The following CCNH variants were observed in gnomAD, a reference collection of about 807,000 sequenced individuals.
CCNH encodes cyclin-H.
In CCNH, 31 loss-of-function variants were observed where a neutral mutation model predicts 41.9. The observed-to-expected ratio is 0.74, with a 90% CI of 0.56 to 1.00. The LOEUF is 1.00. Ranked by LOEUF, CCNH falls within the 50% of genes least tolerant of loss-of-function variation. CCNH has a pLI of 0.00. For synonymous variants in CCNH, 138 were observed against 136.1 expected (o/e 1.01, Z -0.10); for missense variants, 362 against 388.4 (o/e 0.93, Z 0.57).
chr5:87,320,710 G>T (rs1282632265), intron 9 of CCNH, among the ~76,000 whole-genome samples: 1 of 152,208 alleles, frequency 6.6e-6, no homozygotes, highest in Non-Finnish European at 1.5e-5. Context: ...TGAGATTTGG[G>T]TAGGGATACA....
chr5:87,351,621 A>G (rs755598564), intron 9 of CCNH, among the ~76,000 whole-genome samples: 16 of 151,796 alleles, frequency 1.1e-4, no homozygotes, highest in Admixed American at 2.0e-4. Context: ...CTGAGATGTA[A>G]ATCTGTCTGA....
chr5:87,393,640 A>G (rs1762685700), downstream of CCNH: 2 of 152,186 alleles, frequency 1.3e-5, no homozygotes, highest in South Asian at 2.1e-4. Flanking sequence ...GTTATAATCT[A>G]CTTACACGGA....
chr5:87,405,724 GCTCACTTATCC>G (rs2112571353), intron 4 of CCNH, among the ~76,000 whole-genome samples: 1 of 151,988 alleles, frequency 6.6e-6, no homozygotes, highest in East Asian at 1.9e-4. Context: ...CTGAACCTTT[GCTCACTTATCC>G]CTCTACTTGC....
At chr5:87,399,217 C>A (rs1235115685) in intron 7 of CCNH, among the ~76,000 whole-genome samples, 177 bp downstream of exon 7, 2 of 152,302 alleles carry the variant, frequency 1.3e-5, no homozygotes, top group Admixed American at 6.5e-5. Flanking sequence ...CAGAACTGCA[C>A]AGTGAATGCC....
chr5:87,377,485 C>T (rs969851567), upstream of CCNH, among the ~76,000 whole-genome samples: 1 of 152,128 alleles, frequency 6.6e-6, no homozygotes, highest in Non-Finnish European at 1.5e-5. Context: ...CATATGCCAC[C>T]ACACCCAGCT....
intron 9 of CCNH, among the ~76,000 whole-genome samples, chr5:87,339,098 T>C (rs7700766): frequency 0.012 from 1,816 of 152,304 alleles, 28 homozygotes; most frequent in African/African-American, 0.041. Context: ...CCTTCAAAGC[T>C]ACTGTTTTTA....
chr5:87,397,163 T>G (rs1763030925), intron 7 of CCNH, among the ~76,000 whole-genome samples: 1 of 151,918 alleles, frequency 6.6e-6, no homozygotes, highest in South Asian at 2.1e-4. Flanking sequence ...TCATAATTTT[T>G]TTTTTGTTTT....
At chr5:87,366,475 T>C (rs576379766) in intron 9 of CCNH, 20 of 294,912 alleles carry the variant, frequency 6.8e-5, no homozygotes, top group African/African-American at 3.7e-4. Context: ...AAGTTGAAGA[T>C]TGTGAATGAT....
upstream of CCNH, chr5:87,379,737 A>G (rs757664524): frequency 1.2e-6 from 2 of 1,611,870 alleles, no homozygotes; most frequent in South Asian, 1.1e-5. Flanking sequence ...TCTTTTAGTT[A>G]AGTCCATCAA....
At chr5:87,369,141 CA>C (rs1760742762) in intron 9 of CCNH, among the ~76,000 whole-genome samples, 1 of 152,002 alleles carries the variant, frequency 6.6e-6, no homozygotes, top group African/African-American at 2.4e-5. Context: ...TATTGAGTTC[CA>C]AAAACATGCA....
chr5:87,405,607 C>T (rs531764308), intron 4 of CCNH, among the ~76,000 whole-genome samples: 45 of 152,156 alleles, frequency 3.0e-4, no homozygotes, highest in African/African-American at 1.0e-3. Flanking sequence ...GTCAATTATG[C>T]AAAAATGCCT....
At chr5:87,364,196 T>A (rs1760331404) in intron 9 of CCNH, among the ~76,000 whole-genome samples, 1 of 152,164 alleles carries the variant, frequency 6.6e-6, no homozygotes, top group South Asian at 2.1e-4. Flanking sequence ...CAACAGCTTG[T>A]TTTTCTGCCG....
Position 87,408,070 on chromosome 5 carries a change from A to C in CCNH, c.431T>G (p.Leu144Arg). The C allele has an allele frequency of 1.2e-6, 2 of 1,613,306 alleles. No homozygotes were observed. Among genetic ancestry groups the C allele is most frequent in the Non-Finnish European group, 1.7e-6 (2 of 1,179,232 alleles). ...LGQEKALEQI[L>R]EYELLLIQQL... The stretch of plus-strand genomic sequence containing the variant: ...CTGTATAAGAAGTAGTTCATATTCC[A>C]GTATCTGTTCAAGTGCCTTCTCCTG... Residue 144 changes from leucine (L) to arginine (R), a missense_variant, in exon 4 of 9, where the codon CTG (leucine) becomes CGG (arginine). By Grantham distance (102) the Leu-to-Arg change is moderately radical. Transcript: ENST00000256897.
chr5:87,349,256 C>A (rs768653853), intron 9 of CCNH: 1 of 1,612,112 alleles, frequency 6.2e-7, no homozygotes, highest in Non-Finnish European at 8.5e-7. Context: ...TCAGATAATA[C>A]TCCTGGCGAT....
chr5:87,395,697 C>T (rs1762901971), intron 7 of CCNH, among the ~76,000 whole-genome samples: 1 of 152,106 alleles, frequency 6.6e-6, no homozygotes, highest in African/African-American at 2.4e-5. Flanking sequence ...TGTGGCGAAA[C>T]CTCGTCTCTA....
intron 9 of CCNH, chr5:87,332,519 G>A (rs1350188583): frequency 6.2e-7 from 1 of 1,606,606 alleles, no homozygotes; most frequent in East Asian, 2.2e-5. Context: ...TTATTGCTAT[G>A]TGTGGAGATT....
downstream of CCNH, among the ~76,000 whole-genome samples, chr5:87,389,053 ATAT>A (rs1561332996): frequency 1.3e-5 from 2 of 152,172 alleles, no homozygotes; most frequent in Non-Finnish European, 2.9e-5. Flanking sequence ...TTAATACTGA[ATAT>A]TATATTTCAA....
intron 9 of CCNH, among the ~76,000 whole-genome samples, chr5:87,336,734 A>T (rs1231013957): frequency 6.6e-6 from 1 of 152,030 alleles, no homozygotes; most frequent in African/African-American, 2.4e-5. Flanking sequence ...CCCTCCTTTT[A>T]CTCATAATGA....
In CCNH at chr5:87,409,283, TACTC is replaced by T. The variant is rs773990586; in HGVS notation, c.314+3_314+6del. ...ATGAAAACAATATATTAGACAGACA[TACTC>T]ACATTATTATCCTGGGGTGATATTC... is the stretch of plus-strand genomic sequence containing the variant. On this transcript the variant is annotated splice_donor_5th_base_variant and intron_variant, in intron 3 of 8. Transcript: ENST00000256897. The T allele has an allele frequency of 2.1e-5, 31 of 1,447,540 alleles. No individual in the cohort carries two copies. Among genetic ancestry groups the T allele is most frequent in the Non-Finnish European group, 2.7e-5 (28 of 1,034,308 alleles). 89.7% of individuals were successfully genotyped at this position (1,447,540 alleles called of 1,614,324 possible). A position where few individuals can be genotyped will look rare whatever the true frequency, so the allele number is the denominator to read the frequency against.
Sources: allele counts gnomAD v4.1 joint callset (sites outside exome capture counted in the v4.1 genomes callset), GRCh38; gene constraint gnomAD v4.1.1; transcripts MANE v1.5; gene names NCBI Gene and HGNC (gene_info 2026-07-23, HGNC 2026-07-21).